The following GREB1L variants were observed in gnomAD, a reference collection of about 807,000 sequenced individuals.
GREB1L encodes the protein GREB1 like retinoic acid receptor coactivator.
In GREB1L, 17 loss-of-function variants were observed where a neutral mutation model predicts 200.8. That is an observed-to-expected ratio of 0.08 (90% CI 0.06 to 0.13). The LOEUF is 0.13. Among genes scored for constraint, GREB1L ranks in the 10% least tolerant of loss-of-function variants. The pLI is 1.00. For synonymous variants in GREB1L, 789 were observed against 893.0 expected (o/e 0.88, Z 2.08); for missense variants, 1,657 against 2,367.7 (o/e 0.70, Z 6.23).
intron 16 of GREB1L, among the ~76,000 whole-genome samples, chr18:21,475,738 G>T (rs1235540561): frequency 2.0e-5 from 3 of 151,860 alleles, no homozygotes; most frequent in Admixed American, 6.6e-5. Context: ...AAGCCAAGGT[G>T]GGTGGATTAC....
At chr18:21,263,824 G>A (rs1330640417) in intron 1 of GREB1L, among the ~76,000 whole-genome samples, 1 of 152,154 alleles carries the variant, frequency 6.6e-6, no homozygotes, top group Non-Finnish European at 1.5e-5. Flanking sequence ...TATCTCAGAA[G>A]CAATAGAGAT....
rs1180859817 is a variant in GREB1L at position 21,449,536 on chromosome 18, G to A, written c.1420G>A (p.Glu474Lys). ...TCCTGATCAGGTACCTCTCAGGGAAGAATTTGAGCAAATTATGCTGAAAGC... is the reference window on the plus strand; with the variant it reads ...TCCTGATCAGGTACCTCTCAGGGAAAAATTTGAGCAAATTATGCTGAAAGC... Reference protein sequence around the residue: ...LGPDQVPLREEFEQIMLKAMQ... With the variant: ...LGPDQVPLREKFEQIMLKAMQ... The change falls in exon 12 of 33, where the codon GAA (glutamate) becomes AAA (lysine). Residue 474 changes from glutamate (E) to lysine (K), a missense_variant. This residue lies in a region of GREB1L where 289 missense variants were observed against 345.1 expected (regional missense o/e 0.84). Coordinates refer to ENST00000424526, the MANE Select transcript of GREB1L (RefSeq NM_001142966.3). 6.5e-7 allele frequency: 1 copy of A among 1,548,450 alleles called. No individual in the cohort carries two copies. Among genetic ancestry groups the A allele is most frequent in the African/African-American group, 1.4e-5 (1 of 72,940 alleles).
At chr18:21,310,307 G>A (rs1006228644) in intron 1 of GREB1L, among the ~76,000 whole-genome samples, 1 of 152,180 alleles carries the variant, frequency 6.6e-6, no homozygotes, top group Non-Finnish European at 1.5e-5. Context: ...GACTCATCAA[G>A]TGCTGTAATC....
At chr18:21,437,988 G>A (rs967902692) in intron 7 of GREB1L, among the ~76,000 whole-genome samples, 2 of 152,178 alleles carry the variant, frequency 1.3e-5, no homozygotes, top group Non-Finnish European at 2.9e-5. Flanking sequence ...AAATTGGATG[G>A]TGGGTATGTA....
intron 7 of GREB1L, among the ~76,000 whole-genome samples, chr18:21,410,734 T>A (rs1427679923): frequency 2.8e-5 from 4 of 143,962 alleles, no homozygotes; most frequent in African/African-American, 2.5e-5. Flanking sequence ...CACCATAGAG[T>A]AAAAAAAAAA....
At chr18:21,463,163 T>G (rs12967879) in intron 15 of GREB1L, among the ~76,000 whole-genome samples, 2 of 108,902 alleles carry the variant, frequency 1.8e-5, no homozygotes, top group African/African-American at 7.0e-5. Context: ...TTTTTTTTTT[T>G]GAGATGGAGT....
intron 27 of GREB1L, among the ~76,000 whole-genome samples, chr18:21,509,456 C>T (rs2037149335): frequency 2.0e-5 from 3 of 152,164 alleles, no homozygotes; most frequent in Non-Finnish European, 4.4e-5. Context: ...TCTCCAGGGT[C>T]TCCTCTTTCT....
At chr18:21,356,983 G>A (rs2039513949) in intron 1 of GREB1L, among the ~76,000 whole-genome samples, 1 of 152,196 alleles carries the variant, frequency 6.6e-6, no homozygotes, top group African/African-American at 2.4e-5. Flanking sequence ...TTTGAGAAAT[G>A]TCTATTCAAG....
intron 4 of GREB1L, among the ~76,000 whole-genome samples, chr18:21,392,925 C>T (rs2040885244): frequency 6.6e-6 from 1 of 152,026 alleles, no homozygotes; most frequent in African/African-American, 2.4e-5. Context: ...GCACTCACCA[C>T]CAGGCCCGAC....
chr18:21,441,468 G>A lies in GREB1L; in HGVS notation c.1138G>A (p.Ala380Thr). ...AATTTTACAACCCAGGCCCATTCCT[G>A]CAGGGGAAACTGTAATTGTTCCTGA... ...TGILQPRPIP[A>T]GETVIVPENL... Residue 380 changes from alanine (A) to threonine (T), a missense_variant, in exon 10 of 33, where the codon GCA becomes ACA. Physicochemically the swap from Ala to Thr is moderately conservative, Grantham distance 58 (BLOSUM62 0). Around this residue, in one of 9 missense-constraint regions of GREB1L, gnomAD observed 289 missense variants for 345.1 expected, o/e 0.84. Transcript: ENST00000424526. The A allele has an allele frequency of 3.2e-6, 5 of 1,551,316 alleles. No individual in the cohort carries two copies. The highest frequency in any genetic ancestry group is 4.4e-6 in the Non-Finnish European group (5 of 1,146,768).
intron 1 of GREB1L, among the ~76,000 whole-genome samples, chr18:21,293,471 A>G (rs2038481166): frequency 6.6e-6 from 1 of 152,244 alleles, no homozygotes; most frequent in Middle Eastern, 3.2e-3. Flanking sequence ...AATATGAATT[A>G]TGAATTACCA....
At chr18:21,255,957 A>G (rs187457922) in intron 1 of GREB1L, among the ~76,000 whole-genome samples, 16 of 152,316 alleles carry the variant, frequency 1.1e-4, no homozygotes, top group Non-Finnish European at 2.9e-5. Context: ...TGAAAATCAT[A>G]ATACTGTCTG....
At chr18:21,506,121 G>A (rs928963825) in intron 25 of GREB1L, among the ~76,000 whole-genome samples, 172 bp downstream of exon 25, 18 of 152,232 alleles carry the variant, frequency 1.2e-4, no homozygotes, top group South Asian at 4.2e-4. Flanking sequence ...AAGGCTGGGC[G>A]CGGTGGCTCA....
chr18:21,338,169 A>G (rs2039216738), intron 1 of GREB1L, among the ~76,000 whole-genome samples: 1 of 152,150 alleles, frequency 6.6e-6, no homozygotes, highest in Admixed American at 6.5e-5. Flanking sequence ...TTCTTAATCC[A>G]TCAACCCTTT....
rs2030746491 is a variant in GREB1L, at chr18:21,409,826, T to A, written c.832+5832T>A. ...AAAAACTGAAATTAACAACGCCTGT[T>A]TTGCATCTTTGTGAGGAATGACTTA... On this transcript the variant is annotated intron_variant, in intron 7 of 32. Transcript: ENST00000424526. 2.0e-5 allele frequency among the ~76,000 whole-genome samples: 3 copies of A among 152,140 alleles called. No individual in the cohort carries two copies. In the South Asian group the frequency reaches 6.2e-4, roughly 32 times the overall value.
rs993125284 is a variant in GREB1L, at chr18:21,525,000, C to T, written c.*2179C>T. 1 of 53,834 alleles carries T rather than the reference C, an allele frequency of 1.9e-5. No homozygotes were observed. Among genetic ancestry groups the T allele is most frequent in the Non-Finnish European group, 5.1e-5 (1 of 19,704 alleles). 3.3% of individuals were successfully genotyped at this position (53,834 alleles called of 1,614,324 possible). The stretch of plus-strand genomic sequence containing the variant: ...ATAAAATTGCACAAGCACAGGACAC[C>T]ATGATTTGTGTGTATATATATATAT... On this transcript the variant is annotated 3_prime_UTR_variant, in exon 33 of 33. Coordinates refer to ENST00000424526, the MANE Select transcript of GREB1L (RefSeq NM_001142966.3).
At chr18:21,446,090 TCTCGA>T in intron 11 of GREB1L, among the ~76,000 whole-genome samples, 1 of 152,320 alleles carries the variant, frequency 6.6e-6, no homozygotes, top group Admixed American at 6.5e-5. Flanking sequence ...AGTGGTGCGA[TCTCGA>T]CTCACTGCAA....
At chr18:21,387,219 C>G (rs1308240771) in intron 4 of GREB1L, among the ~76,000 whole-genome samples, 1 of 152,170 alleles carries the variant, frequency 6.6e-6, no homozygotes, top group African/African-American at 2.4e-5. Flanking sequence ...GTGTTTATAG[C>G]TGGTTCTGTA....
chr18:21,515,732 T>C (rs1415424468), intron 29 of GREB1L, 88 bp downstream of exon 29: 1 of 921,072 alleles, frequency 1.1e-6, no homozygotes, highest in Non-Finnish European at 1.6e-6. Flanking sequence ...TTTATTCGTA[T>C]GTCTTCAGTT....
Sources: gnomAD v4.1 joint callset for allele counts (sites outside exome capture counted in the v4.1 genomes callset) on GRCh38, gnomAD v4.1.1 for gene constraint, gnomAD v4.1.1 regional missense constraint, MANE v1.5 for transcripts, NCBI Gene and HGNC (gene_info 2026-07-23, HGNC 2026-07-21) for gene names.